AK5: variants seen among roughly 807,000 people sequenced by gnomAD.
AK5 encodes the protein adenylate kinase isoenzyme 5.
A neutral mutation model predicts 69.5 loss-of-function variants in AK5; 27 were observed. That is an observed-to-expected ratio of 0.39 (90% confidence interval 0.29 to 0.54). AK5 has a LOEUF of 0.54. Ranked by LOEUF, AK5 falls within the 20% of genes least tolerant of loss-of-function variation. The pLI is 0.71. For synonymous variants in AK5, 260 were observed against 244.4 expected, an observed-to-expected ratio of 1.06 and a Z score of -0.60; for missense variants, 531 against 700.4, an observed-to-expected ratio of 0.76 and a Z score of 2.73.
chr1:77,283,623 A>C, intron 1 of AK5: 1 of 985,380 alleles, frequency 1.0e-6, no homozygotes, highest in Non-Finnish European at 1.2e-6. Flanking sequence ...TAAACCACTC[A>C]CTGAACTCAA....
intron 8 of AK5, among the ~76,000 whole-genome samples, chr1:77,470,852 TATATATATATATATATATATA>T (rs1178145807): frequency 0.018 from 587 of 32,364 alleles, 69 homozygotes; most frequent in African/African-American, 0.042. Context: ...TATATATATA[TATATATATATATATATATATA>T]TATTTTTTTT....
intron 6 of AK5, among the ~76,000 whole-genome samples, chr1:77,390,476 G>A (rs879278927): frequency 1.6e-4 from 24 of 152,156 alleles, no homozygotes; most frequent in Non-Finnish European, 7.3e-5. Flanking sequence ...TGGACACTCA[G>A]GTGAGAGGGG....
chr1:77,515,424 GT>G (rs1264026034), intron 10 of AK5, among the ~76,000 whole-genome samples: 1 of 152,224 alleles, frequency 6.6e-6, no homozygotes, highest in Non-Finnish European at 1.5e-5. Context: ...CGCAGAATGA[GT>G]TGTAAATCCT....
At chr1:77,501,132 G>C (rs764006086) in intron 10 of AK5, among the ~76,000 whole-genome samples, 2 of 152,330 alleles carry the variant, frequency 1.3e-5, no homozygotes, top group Non-Finnish European at 2.9e-5. Flanking sequence ...TGAGGAGAGA[G>C]GGATTGCAAG....
intron 6 of AK5, among the ~76,000 whole-genome samples, chr1:77,408,751 AT>A (rs1383285668): frequency 6.6e-6 from 1 of 151,482 alleles, no homozygotes; most frequent in Non-Finnish European, 1.5e-5. Context: ...CATGTTATCT[AT>A]TTTTTTCTTT....
At chr1:77,394,555 G>T (rs1648709397) in intron 6 of AK5, among the ~76,000 whole-genome samples, 2 of 151,998 alleles carry the variant, frequency 1.3e-5, no homozygotes, top group Non-Finnish European at 2.9e-5. Flanking sequence ...CTCCCTCATT[G>T]GATTGTGGAC....
At chr1:77,360,746 CTT>C (rs1266829233) in intron 6 of AK5, among the ~76,000 whole-genome samples, 2 of 152,176 alleles carry the variant, frequency 1.3e-5, no homozygotes, top group African/African-American at 2.4e-5. Flanking sequence ...GAGAGACTGA[CTT>C]TTAATCTGTG....
chr1:77,351,625 G>A (rs1662205817), intron 6 of AK5, among the ~76,000 whole-genome samples: 1 of 152,060 alleles, frequency 6.6e-6, no homozygotes, highest in South Asian at 2.1e-4. Context: ...GATAGTAAAG[G>A]GCTGGGAAGC....
chr1:77,377,915 C>T (rs1203738805), intron 6 of AK5, among the ~76,000 whole-genome samples: 1 of 152,220 alleles, frequency 6.6e-6, no homozygotes, highest in Non-Finnish European at 1.5e-5. Flanking sequence ...TTGAATATCA[C>T]AATCTCTATG....
intron 13 of AK5, among the ~76,000 whole-genome samples, 193 bp downstream of exon 13, chr1:77,536,231 C>T (rs777203891): frequency 8.5e-5 from 13 of 152,148 alleles, no homozygotes; most frequent in East Asian, 1.9e-4. Context: ...GAAGTCAAGG[C>T]GGGTGTATTG....
chr1:77,321,559 A>G (rs1326463532), intron 5 of AK5, among the ~76,000 whole-genome samples: 2 of 152,256 alleles, frequency 1.3e-5, no homozygotes, highest in Non-Finnish European at 2.9e-5. Context: ...AACATTGAAC[A>G]TAAGTTCATT....
chr1:77,317,834 C>A (rs1018801445), intron 5 of AK5, among the ~76,000 whole-genome samples: 4 of 152,160 alleles, frequency 2.6e-5, no homozygotes, highest in Admixed American at 1.3e-4. Flanking sequence ...GTCCAGTCTC[C>A]CTGAGAGAAT....
chr1:77,298,491 T>C (rs1272220028), intron 5 of AK5, among the ~76,000 whole-genome samples: 1 of 151,754 alleles, frequency 6.6e-6, no homozygotes, highest in Non-Finnish European at 1.5e-5. Flanking sequence ...GAAAAGCTTA[T>C]GTTAATTGAT....
At chr1:77,530,271 G>A (rs1464281156) in intron 12 of AK5, among the ~76,000 whole-genome samples, 2 of 152,192 alleles carry the variant, frequency 1.3e-5, no homozygotes, top group East Asian at 1.9e-4. Flanking sequence ...GCGTAATGGT[G>A]TGTGGGGGGA....
intron 6 of AK5, among the ~76,000 whole-genome samples, chr1:77,401,848 G>C (rs1247027118): frequency 6.6e-6 from 1 of 152,092 alleles, no homozygotes; most frequent in Non-Finnish European, 1.5e-5. Flanking sequence ...TACTGCATTT[G>C]TTATTCAAAT....
chr1:77,482,102 G>A (rs1465527561), intron 8 of AK5, among the ~76,000 whole-genome samples: 2 of 152,176 alleles, frequency 1.3e-5, no homozygotes, highest in Admixed American at 6.5e-5. Context: ...TATAATAAAA[G>A]TATAATGCTT....
At chr1:77,535,006 A>G (rs1658878554) in intron 12 of AK5, among the ~76,000 whole-genome samples, 1 of 152,054 alleles carries the variant, frequency 6.6e-6, no homozygotes, top group Non-Finnish European at 1.5e-5. Flanking sequence ...TGGGATATCT[A>G]AAACAGTTGG....
chr1:77,368,285 A>ATATATGT (rs1647052062), intron 6 of AK5, among the ~76,000 whole-genome samples: 2 of 81,568 alleles, frequency 2.5e-5, no homozygotes, highest in South Asian at 4.2e-4. Context: ...TATATATGTT[A>ATATATGT]TATATATGTT....
rs139361180 is a variant in AK5, at chr1:77,392,988, G to A, written c.892-17993G>A. Among the ~76,000 whole-genome samples the A allele has an allele frequency of 8.2e-3, 1,241 of 151,856 alleles. 19 individuals carry two copies. The highest frequency in any genetic ancestry group is 0.028 in the African/African-American group (1,149 of 41,434). On this transcript the variant is annotated intron_variant, in intron 6 of 13. Coordinates refer to ENST00000354567, the MANE Select transcript of AK5 (RefSeq NM_174858.3). Reference sequence around the variant, plus strand: ...TGCTCTGTCACCCAGGCTGGAGTGCGGTGATGTGATCACAGCTCACTGCAG... The same window carrying A: ...TGCTCTGTCACCCAGGCTGGAGTGCAGTGATGTGATCACAGCTCACTGCAG...
Sources: allele counts gnomAD v4.1 joint callset (sites outside exome capture counted in the v4.1 genomes callset), GRCh38; gene constraint gnomAD v4.1.1; transcripts MANE v1.5; gene names NCBI Gene and HGNC (gene_info 2026-07-23, HGNC 2026-07-21).